The following UBR2 variants were observed in gnomAD, a reference collection of about 807,000 sequenced individuals.
UBR2 encodes the protein E3 ubiquitin-protein ligase UBR2.
UBR2 carries 92 observed loss-of-function variants against 247.9 expected under a neutral mutation model. That is an observed-to-expected ratio of 0.37 (90% confidence interval 0.31 to 0.44). The LOEUF (loss-of-function observed/expected upper bound fraction) is 0.44, where lower values mean the gene tolerates loss of function less well. Ranked by LOEUF, UBR2 falls within the 20% of genes least tolerant of loss-of-function variation. UBR2 has a pLI of 1.00. For synonymous variants in UBR2, 672 were observed against 693.5 expected, an observed-to-expected ratio of 0.97 and a Z score of 0.49; for missense variants, 1,613 against 2,112.6, an observed-to-expected ratio of 0.76 and a Z score of 4.64.
At chr6:42,575,230 A>T (rs1412985680) in intron 2 of UBR2, among the ~76,000 whole-genome samples, 2 of 152,148 alleles carry the variant, frequency 1.3e-5, no homozygotes, top group Non-Finnish European at 2.9e-5. Context: ...TTTCCTGTAA[A>T]ACTGAAATTT....
intron 11 of UBR2, among the ~76,000 whole-genome samples, chr6:42,628,594 G>T (rs1046035497): frequency 1.2e-4 from 18 of 151,982 alleles, no homozygotes; most frequent in African/African-American, 4.3e-4. Context: ...ATGGTGGCAG[G>T]TGCTGGTAAT....
chr6:42,571,637 G>A (rs1791147630), intron 1 of UBR2, among the ~76,000 whole-genome samples: 1 of 150,882 alleles, frequency 6.6e-6, no homozygotes, highest in Non-Finnish European at 1.5e-5. Context: ...CAGCTACTCA[G>A]GAGGCTGAGG....
chr6:42,684,773 T>G (rs768105504), intron 43 of UBR2, 21 bp from the exon 44 acceptor site: 5 of 1,585,812 alleles, frequency 3.2e-6, no homozygotes, highest in Non-Finnish European at 4.3e-6. Context: ...GAGTGTTCTT[T>G]AATTTTTCTC....
At chr6:42,571,916 C>A (rs901419152) in intron 1 of UBR2, among the ~76,000 whole-genome samples, 2 of 151,670 alleles carry the variant, frequency 1.3e-5, no homozygotes, top group African/African-American at 4.8e-5. Context: ...TTTTTTAAAA[C>A]TTGTCCTCTT....
At chr6:42,637,439 A>G (rs1015514618) in intron 15 of UBR2, among the ~76,000 whole-genome samples, 1 of 152,222 alleles carries the variant, frequency 6.6e-6, no homozygotes, top group African/African-American at 2.4e-5. Context: ...ATCAGTTGGC[A>G]TTATGAGGAA....
chr6:42,604,545 TG>T lies in UBR2; in HGVS notation c.662+828del, dbSNP rs762854188. On this transcript the variant is annotated intron_variant, in intron 5 of 46. Transcript: ENST00000372901. ...ATAGTATTGTTGTCATATAGTATAC[TG>T]TACTATACTATAACATCCTAGTCCA... Among the ~76,000 whole-genome samples the T allele has an allele frequency of 4.0e-4, 61 of 152,298 alleles. 1 individual carries two copies. Among genetic ancestry groups the T allele is most frequent in the African/African-American group, 9.9e-4 (41 of 41,578 alleles).
intron 23 of UBR2, 142 bp downstream of exon 23, chr6:42,650,528 C>T (rs1236049910): frequency 1.6e-6 from 1 of 616,208 alleles, no homozygotes; most frequent in South Asian, 2.1e-5. Context: ...AACTCCTGGG[C>T]TCAAGCAATT....
At position 42,683,130 on chromosome 6, in the gene UBR2, A is replaced by G. The variant is rs556972143; in HGVS notation, c.4775+19A>G. The G allele has an allele frequency of 8.6e-5, 138 of 1,604,530 alleles. 1 individual carries two copies. The South Asian group carries it at 1.4e-3, about 17-fold the overall frequency. On this transcript the variant is annotated intron_variant, in intron 43 of 46. Transcript: ENST00000372901. Reference sequence around the variant, plus strand: ...CTATAAGGTAAGTTAAAGAGCCTCAAAAACTTTATTGAGGTGGGAGAAAGG... The same window carrying G: ...CTATAAGGTAAGTTAAAGAGCCTCAGAAACTTTATTGAGGTGGGAGAAAGG...
Position 42,573,970 on chromosome 6 carries a change from A to C in UBR2, c.315A>C (p.Val105=), listed in dbSNP as rs1791336379. 6.2e-7 allele frequency: 1 copy of C among 1,609,274 alleles called. No individual in the cohort carries two copies. The highest frequency in any genetic ancestry group is 8.5e-7 in the Non-Finnish European group (1 of 1,178,130). ...PSHLCGRVFK[V]GEPTYSCRDC... ...ATCTTTGTGGTCGTGTTTTTAAAGT[A>C]GGAGAGCCTACATATTCTTGCAGGT... Residue 105 remains valine (V), a synonymous_variant, in exon 2 of 47, where the codon GTA becomes GTC. Coordinates refer to ENST00000372901, the MANE Select transcript of UBR2 (RefSeq NM_001363705.2).
rs540970741 is a variant in UBR2, at chr6:42,589,502, G to A, written c.339-2649G>A. Among the ~76,000 whole-genome samples, 36 of 152,300 alleles carry A rather than the reference G, an allele frequency of 2.4e-4. 1 individual carries two copies. In the South Asian group the frequency reaches 5.4e-3, roughly 23 times the overall value. On this transcript the variant is annotated intron_variant, in intron 2 of 46. Transcript: ENST00000372901. ...CTATATCTGATTTTGACATTAGAGC[G>A]ACGCTGGCCTAATAGAATGAGTTAG... is the stretch of plus-strand genomic sequence containing the variant.
At chr6:42,638,497 T>C (rs1019913470) in intron 15 of UBR2, among the ~76,000 whole-genome samples, 2 of 152,200 alleles carry the variant, frequency 1.3e-5, no homozygotes, top group African/African-American at 4.8e-5. Context: ...CCTAGACATA[T>C]GAATATCAAA....
intron 22 of UBR2, among the ~76,000 whole-genome samples, chr6:42,648,430 T>C (rs138529269): frequency 3.3e-4 from 50 of 152,330 alleles, no homozygotes; most frequent in African/African-American, 1.1e-3. Flanking sequence ...TGGTTTCAAA[T>C]AGTAAAAATT....
chr6:42,605,658 A>G (rs796349091), intron 5 of UBR2, 63 bp from the exon 6 acceptor site: 16 of 1,492,246 alleles, frequency 1.1e-5, no homozygotes, highest in Middle Eastern at 1.8e-4. Flanking sequence ...GTCTCTTAAT[A>G]AGTCAGCCTG....
At chr6:42,600,800 A>G (rs142293959) in intron 4 of UBR2, among the ~76,000 whole-genome samples, 1 of 151,688 alleles carries the variant, frequency 6.6e-6, no homozygotes, top group African/African-American at 2.4e-5. Flanking sequence ...CTTCCCAAGC[A>G]TGCACCACTA....
At chr6:42,664,073 G>A (rs1171432675) in intron 32 of UBR2, 3 of 152,168 alleles carry the variant, frequency 2.0e-5, no homozygotes, top group Non-Finnish European at 4.4e-5. Context: ...TGGGAGGCTC[G>A]CTTGGGTCAA....
intron 4 of UBR2, among the ~76,000 whole-genome samples, chr6:42,597,700 G>A (rs1244285509): frequency 2.0e-5 from 3 of 151,780 alleles, no homozygotes; most frequent in Non-Finnish European, 2.9e-5. Context: ...GATCACCTGA[G>A]GTCAGGAGTT....
intron 4 of UBR2, among the ~76,000 whole-genome samples, chr6:42,595,734 A>AG (rs967247259): frequency 3.3e-5 from 5 of 151,974 alleles, no homozygotes; most frequent in Non-Finnish European, 7.4e-5. Flanking sequence ...AAAAAAAAAA[A>AG]AAGTTCTTCC....
intron 4 of UBR2, among the ~76,000 whole-genome samples, chr6:42,600,075 T>A (rs888080901): frequency 6.6e-6 from 1 of 152,236 alleles, no homozygotes; most frequent in Non-Finnish European, 1.5e-5. Context: ...ATATTTTTAG[T>A]TGGGCAGTAT....
chr6:42,584,853 C>T (rs1024209932), intron 2 of UBR2, among the ~76,000 whole-genome samples: 11 of 152,108 alleles, frequency 7.2e-5, no homozygotes. Context: ...TACCCTGTGA[C>T]CTTGCTAAAT....
Sources: gnomAD v4.1 joint callset for allele counts (sites outside exome capture counted in the v4.1 genomes callset) on GRCh38, gnomAD v4.1.1 for gene constraint, MANE v1.5 for transcripts, NCBI Gene and HGNC (gene_info 2026-07-23, HGNC 2026-07-21) for gene names.